PARD3B: variants seen among roughly 807,000 people sequenced by gnomAD.
PARD3B encodes partitioning defective 3 homolog B.
A neutral mutation model predicts 130.2 loss-of-function variants in PARD3B; 103 were observed. The ratio of observed to expected loss-of-function variants is 0.79; its 90% CI spans 0.67 to 0.93. The LOEUF is 0.93. PARD3B is among the 40% of genes least tolerant of loss of function. The probability of loss-of-function intolerance (pLI) is 0.00; values close to 1 mark genes in which losing one functional copy is unlikely to be tolerated. For missense variants in PARD3B, 1,609 were observed against 1,499.2 expected, an observed-to-expected ratio of 1.07 and a Z score of -1.21; for synonymous variants, 583 against 553.2, an observed-to-expected ratio of 1.05 and a Z score of -0.76.
At chr2:204,949,364 C>G (rs1689584736) in intron 2 of PARD3B, among the ~76,000 whole-genome samples, 2 of 151,994 alleles carry the variant, frequency 1.3e-5, no homozygotes. Context: ...GTCATCCAGG[C>G]TAGAGTCCAG....
At chr2:205,311,260 A>C (rs1439985042) in intron 18 of PARD3B, among the ~76,000 whole-genome samples, 1 of 152,158 alleles carries the variant, frequency 6.6e-6, no homozygotes, top group Non-Finnish European at 1.5e-5. Flanking sequence ...GTTTTCCATG[A>C]TGGCTGTAAT....
In PARD3B at chr2:204,859,349, A is replaced by G. The variant is rs190488546; in HGVS notation, c.223-105803A>G. On this transcript the variant is annotated intron_variant, in intron 2 of 22. Coordinates refer to ENST00000406610, the MANE Select transcript of PARD3B (RefSeq NM_001302769.2). ...TATAAAAGTAGATTATGTTTTTAGA[A>G]ATGGATGAGAATAGCCATATACCCC... 3.1e-3 allele frequency among the ~76,000 whole-genome samples: 471 copies of G among 152,314 alleles called. 13 individuals are homozygous for G. Among genetic ancestry groups the G allele is most frequent in the Admixed American group, 0.027 (407 of 15,294 alleles).
chr2:204,993,742 C>T (rs1321842595), intron 3 of PARD3B, among the ~76,000 whole-genome samples: 46 of 145,358 alleles, frequency 3.2e-4, no homozygotes, highest in East Asian at 1.4e-3. Context: ...TATTGATTAT[C>T]GCCACAATTT....
chr2:205,522,105 T>TTTAATAAAAATAATATAG, intron 21 of PARD3B, among the ~76,000 whole-genome samples: 1 of 151,798 alleles, frequency 6.6e-6, no homozygotes, highest in South Asian at 2.1e-4. Flanking sequence ...AAATAATATA[T>TTTAATAAAAATAATATAG]TTAATAATTA....
chr2:205,213,640 A>G (rs1299658414), intron 15 of PARD3B, among the ~76,000 whole-genome samples: 2 of 152,178 alleles, frequency 1.3e-5, no homozygotes, highest in African/African-American at 4.8e-5. Context: ...ATAAAAGTGC[A>G]AATTAATGGT....
At chr2:205,416,422 G>A (rs849262) in intron 19 of PARD3B, among the ~76,000 whole-genome samples, 146,020 of 152,184 alleles carry the variant, frequency 0.96, 70,288 homozygotes, top group East Asian at 1. Context: ...AAGGATACCA[G>A]TGAAGAGAAT....
chr2:205,287,681 G>A lies in PARD3B; in HGVS notation c.2186-12849G>A, dbSNP rs551312322. The stretch of plus-strand genomic sequence containing the variant: ...CATTTTAGATAGAATAATGGGTGCC[G>A]GCTAGGAAAAAGAATGGATGTCAGC... On this transcript the variant is annotated intron_variant, in intron 16 of 22. Coordinates refer to ENST00000406610, the MANE Select transcript of PARD3B (RefSeq NM_001302769.2). This position sits in a 1 kb window ranked among gnomAD's most constrained non-coding sequence, Gnocchi z 4.8. Among the ~76,000 whole-genome samples, 3 of 152,178 alleles carry A rather than the reference G, an allele frequency of 2.0e-5. No individual in the cohort carries two copies. The highest frequency in any genetic ancestry group is 1.9e-4 in the East Asian group (1 of 5,178).
intron 1 of PARD3B, among the ~76,000 whole-genome samples, chr2:204,591,211 A>G (rs945266343): frequency 4.6e-5 from 7 of 152,220 alleles, no homozygotes; most frequent in African/African-American, 9.6e-5. Context: ...CTAAGTGTGC[A>G]TGTATATGTT....
intron 18 of PARD3B, among the ~76,000 whole-genome samples, chr2:205,305,193 C>T (rs1417121766): frequency 6.6e-6 from 1 of 152,132 alleles, no homozygotes; most frequent in African/African-American, 2.4e-5. Flanking sequence ...GGGACTTTAT[C>T]ATTCCAGCTC....
intron 16 of PARD3B, among the ~76,000 whole-genome samples, chr2:205,277,539 T>C (rs2040997804): frequency 6.6e-6 from 1 of 152,008 alleles, no homozygotes; most frequent in Non-Finnish European, 1.5e-5. Flanking sequence ...GACATAGAAG[T>C]GGTTAGGAAA....
chr2:204,977,279 A>G (rs1692257534), intron 3 of PARD3B, among the ~76,000 whole-genome samples: 1 of 152,196 alleles, frequency 6.6e-6, no homozygotes, highest in African/African-American at 2.4e-5. Flanking sequence ...CATATGGTTC[A>G]CAAGAATTTT....
chr2:205,036,545 A>C (rs1199944072), intron 3 of PARD3B, among the ~76,000 whole-genome samples: 1 of 149,514 alleles, frequency 6.7e-6, no homozygotes, highest in Non-Finnish European at 1.5e-5. Context: ...TATACAAAAA[A>C]TATATATACA....
chr2:205,187,800 C>T lies in PARD3B; in HGVS notation c.2024+1937C>T, dbSNP rs975899201. ...CTTTTCACGTCTTCCTTCCTAGTCC[C>T]GTGTGTTTTAGGCCTCTGTTCTCAC... On this transcript the variant is annotated intron_variant, in intron 14 of 22. Coordinates refer to ENST00000406610, the MANE Select transcript of PARD3B (RefSeq NM_001302769.2). The surrounding 1 kb of genome is among the most constrained non-coding windows in gnomAD (Gnocchi z 4.9). Among the ~76,000 whole-genome samples, 4 of 152,136 alleles carry T rather than the reference C, an allele frequency of 2.6e-5. No individual in the cohort carries two copies. Among genetic ancestry groups the T allele is most frequent in the Admixed American group, 6.5e-5 (1 of 15,274 alleles).
chr2:204,875,110 T>A (rs1479569572), intron 2 of PARD3B, among the ~76,000 whole-genome samples: 2 of 152,140 alleles, frequency 1.3e-5, no homozygotes, highest in Non-Finnish European at 2.9e-5. Context: ...AAAATATAAC[T>A]TACATACCAA....
At chr2:204,973,556 C>A (rs1691889228) in intron 3 of PARD3B, among the ~76,000 whole-genome samples, 1 of 145,494 alleles carries the variant, frequency 6.9e-6, no homozygotes, top group Non-Finnish European at 1.5e-5. Flanking sequence ...AATTTTCTTT[C>A]CACCCAGATG....
intron 19 of PARD3B, among the ~76,000 whole-genome samples, chr2:205,415,984 CT>C (rs768126122): frequency 1.2e-4 from 18 of 152,060 alleles, no homozygotes; most frequent in Non-Finnish European, 2.4e-4. Context: ...GTTTATGATT[CT>C]ATTTACACAT....
At chr2:204,567,366 C>G (rs1045394052) in intron 1 of PARD3B, among the ~76,000 whole-genome samples, 1 of 152,154 alleles carries the variant, frequency 6.6e-6, no homozygotes, top group Non-Finnish European at 1.5e-5. Context: ...TAAATAATAA[C>G]TCCCTATTCC....
chr2:204,960,285 C>T (rs185360452), intron 2 of PARD3B, among the ~76,000 whole-genome samples: 21 of 152,254 alleles, frequency 1.4e-4, no homozygotes, highest in Non-Finnish European at 2.4e-4. Context: ...CTGCGAACTC[C>T]ACCACCTCTC....
At chr2:205,316,096 G>A (rs529995247) in intron 18 of PARD3B, among the ~76,000 whole-genome samples, 2 of 152,168 alleles carry the variant, frequency 1.3e-5, no homozygotes, top group African/African-American at 4.8e-5. Context: ...AATTGGAGTA[G>A]ATTTATTTGG....
Sources: allele counts gnomAD v4.1 joint callset (sites outside exome capture counted in the v4.1 genomes callset), GRCh38; gene constraint gnomAD v4.1.1; non-coding constraint Gnocchi (gnomAD v3.1); transcripts MANE v1.5; gene names NCBI Gene and HGNC (gene_info 2026-07-23, HGNC 2026-07-21).